The following P2RY12 variants were observed in gnomAD, a reference collection of about 807,000 sequenced individuals.
P2RY12 encodes the protein purinergic receptor P2Y12.
In P2RY12, 3 loss-of-function variants were observed where a neutral mutation model predicts 4.5. That is an observed-to-expected ratio of 0.67 (90% CI 0.31 to 1.74). P2RY12 has a LOEUF of 1.74. Ranked by LOEUF, P2RY12 falls within the 40% of genes most tolerant of loss-of-function variation. The pLI, the probability that P2RY12 is intolerant of heterozygous loss-of-function variation, is 0.09. For missense variants in P2RY12, 356 were observed against 407.8 expected (o/e 0.87, Z 1.09); for synonymous variants, 148 against 154.1 (o/e 0.96, Z 0.29).
chr3:151,361,880 C>G (rs1254413919), intron 1 of P2RY12, among the ~76,000 whole-genome samples: 1 of 152,120 alleles, frequency 6.6e-6, no homozygotes, highest in Non-Finnish European at 1.5e-5. Flanking sequence ...TTGCTACCCC[C>G]ACAGGCAGCA....
At chr3:151,384,030 A>G (rs1193219785) in intron 1 of P2RY12, 1 of 1,565,870 alleles carries the variant, frequency 6.4e-7, no homozygotes, top group Non-Finnish European at 8.7e-7. Context: ...ACTCAGTTAA[A>G]TAAGTGTATT....
intron 1 of P2RY12, among the ~76,000 whole-genome samples, chr3:151,341,172 A>G (rs1172835357): frequency 1.3e-5 from 2 of 152,122 alleles, no homozygotes; most frequent in African/African-American, 2.4e-5. Flanking sequence ...TTAACTCAAA[A>G]TGCGTGCTGG....
chr3:151,343,120 C>G (rs17282940), intron 1 of P2RY12, among the ~76,000 whole-genome samples: 5 of 152,082 alleles, frequency 3.3e-5, no homozygotes, highest in African/African-American at 7.2e-5. Context: ...AAGTGAATCT[C>G]GTGTGGGATG....
chr3:151,369,311 A>G, intron 1 of P2RY12: 6 of 560,762 alleles, frequency 1.1e-5, no homozygotes, highest in South Asian at 2.9e-5. Context: ...TGAAGCATCA[A>G]TTAAAGCAAG....
At chr3:151,372,541 T>A (rs1216872499) in intron 1 of P2RY12, 1 of 1,587,578 alleles carries the variant, frequency 6.3e-7, no homozygotes, top group African/African-American at 1.3e-5. Context: ...CTTCTGTGAT[T>A]TTGCTTTTGT....
chr3:151,339,550 A>G (rs1751525145), intron 2 of P2RY12, among the ~76,000 whole-genome samples: 1 of 151,982 alleles, frequency 6.6e-6, no homozygotes, highest in Non-Finnish European at 1.5e-5. Flanking sequence ...AAATATTTTA[A>G]CCCATGTGTA....
chr3:151,372,619 C>T, intron 1 of P2RY12: 2 of 1,613,900 alleles, frequency 1.2e-6, no homozygotes, highest in Non-Finnish European at 1.7e-6. Context: ...ATGATGACTT[C>T]ACCATGAGAG....
chr3:151,345,652 A>G (rs1178849594), intron 1 of P2RY12, among the ~76,000 whole-genome samples: 3 of 151,032 alleles, frequency 2.0e-5, no homozygotes, highest in African/African-American at 7.3e-5. Context: ...CGAGTAGCTG[A>G]AATTATAGGC....
At chr3:151,342,371 T>A (rs13090236) in intron 1 of P2RY12, among the ~76,000 whole-genome samples, 2,903 of 152,336 alleles carry the variant, frequency 0.019, 38 homozygotes, top group Middle Eastern at 0.037. Flanking sequence ...TTTTGGTTTT[T>A]TCTTCTGCGT....
In P2RY12 at chr3:151,380,269, G is replaced by A. The variant is rs538213298; in HGVS notation, c.-180+4423C>T. 1.1e-4 allele frequency: 147 copies of A among 1,299,202 alleles called. 1 individual carries two copies. The highest frequency in any genetic ancestry group is 9.7e-4 in the South Asian group (75 of 77,322). 80.5% of individuals were successfully genotyped at this position (1,299,202 alleles called of 1,614,324 possible). A position where few individuals can be genotyped will look rare whatever the true frequency, so the allele number is the denominator to read the frequency against. ...TAAGACAGGCAAATATCTTTCTAAC[G>A]GCATTCATTTATTTGCCTTTCAAAT... On this transcript the variant is annotated intron_variant, in intron 1 of 2. Transcript: ENST00000302632.
chr3:151,370,710 T>G (rs1756069409), intron 1 of P2RY12, among the ~76,000 whole-genome samples: 2 of 152,164 alleles, frequency 1.3e-5, no homozygotes, highest in Non-Finnish European at 2.9e-5. Flanking sequence ...ACCATAGAGA[T>G]AGGGACTGGC....
At chr3:151,361,427 T>C (rs1053619663) in intron 1 of P2RY12, among the ~76,000 whole-genome samples, 1 of 69,210 alleles carries the variant, frequency 1.4e-5, no homozygotes, top group Non-Finnish European at 2.6e-5. Flanking sequence ...TGTTTCCTGG[T>C]ATGAAAAAAA....
chr3:151,363,699 T>C (rs73008510), intron 1 of P2RY12, among the ~76,000 whole-genome samples: 3,366 of 152,294 alleles, frequency 0.022, 121 homozygotes, highest in African/African-American at 0.078. Context: ...TAGTCCTCTT[T>C]GTTAGAGTAG....
intron 1 of P2RY12, among the ~76,000 whole-genome samples, chr3:151,379,103 C>T (rs1341381905): frequency 6.6e-6 from 1 of 152,180 alleles, no homozygotes; most frequent in Non-Finnish European, 1.5e-5. Flanking sequence ...TTGGTAGAGA[C>T]CCAGCATTGT....
At chr3:151,382,764 A>G in intron 1 of P2RY12, 2 of 1,587,642 alleles carry the variant, frequency 1.3e-6, no homozygotes, top group Non-Finnish European at 1.7e-6. Flanking sequence ...CATTTCTAGT[A>G]TTTTCCCTCC....
chr3:151,359,796 C>A lies in P2RY12; in HGVS notation c.-179-19036G>T, dbSNP rs1754382536. Among the ~76,000 whole-genome samples the A allele has an allele frequency of 3.3e-5, 5 of 152,058 alleles. No individual in the cohort carries two copies. In the South Asian group the frequency reaches 1.0e-3, roughly 31 times the overall value. ...CAAGATGGTGATGGAATCAGATGCA[C>A]AGATAGGTGAATGGACCACAAGTGT... On this transcript the variant is annotated intron_variant, in intron 1 of 2. Coordinates refer to ENST00000302632, the MANE Select transcript of P2RY12 (RefSeq NM_022788.5).
intron 1 of P2RY12, chr3:151,372,725 A>C (rs1756342841): frequency 6.2e-7 from 1 of 1,613,798 alleles, no homozygotes; most frequent in African/African-American, 1.3e-5. Context: ...TGCCAATTTA[A>C]GAGAATACGC....
chr3:151,368,250 G>A lies in P2RY12; in HGVS notation c.-180+16442C>T, dbSNP rs545715170. 7.4e-6 allele frequency: 12 copies of A among 1,613,048 alleles called. No homozygotes were observed. The East Asian group carries it at 8.9e-5, about 12-fold the overall frequency. ...AGGCCTGCTTCTTACCTCAAGCAAC[G>A]GGTGAGCTGACTGCAGAAAAATCTG... is the stretch of plus-strand genomic sequence containing the variant. On this transcript the variant is annotated intron_variant, in intron 1 of 2. Coordinates refer to ENST00000302632, the MANE Select transcript of P2RY12 (RefSeq NM_022788.5).
chr3:151,348,340 CAAA>C (rs11382065), intron 1 of P2RY12, among the ~76,000 whole-genome samples: 24,424 of 88,700 alleles, frequency 0.28, 1,859 homozygotes, highest in South Asian at 0.43. Flanking sequence ...ACCACCAGAC[CAAA>C]AAAAAAAAAA....
Sources: allele counts gnomAD v4.1 joint callset (sites outside exome capture counted in the v4.1 genomes callset), GRCh38; gene constraint gnomAD v4.1.1; transcripts MANE v1.5; gene names NCBI Gene and HGNC (gene_info 2026-07-23, HGNC 2026-07-21).